ASTN2: variants seen among roughly 807,000 people sequenced by gnomAD.
The protein encoded by ASTN2 is astrotactin 2.
In ASTN2, 54 loss-of-function variants were observed where a neutral mutation model predicts 139.8. The ratio of observed to expected loss-of-function variants is 0.39; its 90% CI spans 0.31 to 0.48. The LOEUF is 0.48. Among genes scored for constraint, ASTN2 ranks in the 20% least tolerant of loss-of-function variants. The pLI is 0.95. For missense variants in ASTN2, 1,565 were observed against 1,725.1 expected (o/e 0.91, Z 1.64); for synonymous variants, 756 against 719.5 (o/e 1.05, Z -0.81).
intron 19 of ASTN2, among the ~76,000 whole-genome samples, chr9:116,498,144 C>G (rs1410075878): frequency 1.3e-5 from 2 of 152,162 alleles, no homozygotes; most frequent in African/African-American, 2.4e-5. Flanking sequence ...TTAAGGCAAG[C>G]CTTCCAAACA....
chr9:117,011,046 A>G (rs920506544), intron 6 of ASTN2, among the ~76,000 whole-genome samples: 30 of 152,130 alleles, frequency 2.0e-4, no homozygotes, highest in African/African-American at 6.3e-4. Context: ...CTGACTGGAA[A>G]CCTGAGTGCA....
intron 19 of ASTN2, among the ~76,000 whole-genome samples, chr9:116,539,556 G>A (rs146215376): frequency 2.6e-5 from 4 of 152,274 alleles, no homozygotes; most frequent in Admixed American, 6.5e-5. Context: ...CAAGAACGAT[G>A]CACAGTAGTC....
rs376527203 is a variant in ASTN2 at position 117,080,798 on chromosome 9, G to T, written c.1276+15246C>A. On this transcript the variant is annotated intron_variant, in intron 5 of 22. Transcript: ENST00000313400. ...TCCACAGACAGAAGCCTAGGAAGGA[G>T]CTTCCTAAGGGCTGGAGTCATGTCT... Among the ~76,000 whole-genome samples, 9 of 152,126 alleles carry T rather than the reference G, an allele frequency of 5.9e-5. No individual in the cohort carries two copies. In the East Asian group the frequency reaches 7.7e-4, roughly 13 times the overall value.
rs556653383 is a variant in ASTN2 at position 116,781,309 on chromosome 9, A to C, written c.2396+24323T>G. On this transcript the variant is annotated intron_variant, in intron 13 of 22. Coordinates refer to ENST00000313400, the MANE Select transcript of ASTN2 (RefSeq NM_001365068.1). ...ACTATGATAACCAAAAAATAAACTA[A>C]ATCAACATTGACAAGGAAAATGTAA... Among the ~76,000 whole-genome samples, 6 of 152,302 alleles carry C rather than the reference A, an allele frequency of 3.9e-5. No individual in the cohort carries two copies. The South Asian group carries it at 1.2e-3, about 32-fold the overall frequency.
In ASTN2 at chr9:116,485,574, T is replaced by C. The variant is rs184948510; in HGVS notation, c.3497+1785A>G. On this transcript the variant is annotated intron_variant, in intron 20 of 22. Coordinates refer to ENST00000313400, the MANE Select transcript of ASTN2 (RefSeq NM_001365068.1). ...CTTAAGAGTGTGTAGAGTTGTGCTCTCAAAGTCAGTCCCCAGTCCCACCAC... is the reference window on the plus strand; with the variant it reads ...CTTAAGAGTGTGTAGAGTTGTGCTCCCAAAGTCAGTCCCCAGTCCCACCAC... Among the ~76,000 whole-genome samples, 29 of 152,310 alleles carry C rather than the reference T, an allele frequency of 1.9e-4. No individual in the cohort carries two copies. In the East Asian group the frequency reaches 5.4e-3, roughly 28 times the overall value.
At chr9:116,716,605 T>G (rs906534688) in intron 16 of ASTN2, among the ~76,000 whole-genome samples, 3 of 152,202 alleles carry the variant, frequency 2.0e-5, no homozygotes, top group African/African-American at 7.2e-5. Flanking sequence ...AAGTAATCAC[T>G]GCATTCTTTT....
intron 16 of ASTN2, among the ~76,000 whole-genome samples, chr9:116,669,824 G>A: frequency 1.1e-5 from 1 of 91,664 alleles, no homozygotes; most frequent in African/African-American, 4.1e-5. Flanking sequence ...TTTTTTTTTT[G>A]AGACAGAGTC....
chr9:117,403,792 C>T (rs971886332), intron 1 of ASTN2, among the ~76,000 whole-genome samples: 3 of 152,138 alleles, frequency 2.0e-5, no homozygotes, highest in Admixed American at 6.5e-5. Flanking sequence ...GACTCAGTCT[C>T]TAAGAGCTCT....
intron 19 of ASTN2, among the ~76,000 whole-genome samples, chr9:116,534,819 G>A (rs1564350521): frequency 6.6e-6 from 1 of 152,196 alleles, no homozygotes; most frequent in African/African-American, 2.4e-5. Context: ...ATGTGGTGCT[G>A]AGAAGAATGT....
chr9:116,631,143 A>G (rs1251837861), intron 17 of ASTN2, among the ~76,000 whole-genome samples: 1 of 152,208 alleles, frequency 6.6e-6, no homozygotes, highest in Non-Finnish European at 1.5e-5. Flanking sequence ...AGAAAACAGT[A>G]TGAGAATTCC....
intron 10 of ASTN2, among the ~76,000 whole-genome samples, chr9:116,863,958 T>C (rs1293448669): frequency 6.6e-6 from 1 of 152,196 alleles, no homozygotes; most frequent in Non-Finnish European, 1.5e-5. Context: ...ATACTCTTTA[T>C]TTTATTAATA....
intron 3 of ASTN2, among the ~76,000 whole-genome samples, chr9:117,183,678 T>C (rs970311255): frequency 3.3e-5 from 5 of 152,202 alleles, no homozygotes; most frequent in African/African-American, 1.2e-4. Flanking sequence ...AAGATATTAG[T>C]TCCATCCCTT....
chr9:117,308,725 G>A (rs1827856655), intron 1 of ASTN2, among the ~76,000 whole-genome samples: 1 of 152,046 alleles, frequency 6.6e-6, no homozygotes, highest in Non-Finnish European at 1.5e-5. Context: ...AGGAGAAAAA[G>A]GAGAGGGAGA....
intron 22 of ASTN2, among the ~76,000 whole-genome samples, chr9:116,434,848 A>G (rs1000478288): frequency 6.6e-6 from 1 of 152,206 alleles, no homozygotes; most frequent in African/African-American, 2.4e-5. Context: ...TCTGGGGGAC[A>G]CTGGCCTGAT....
intron 10 of ASTN2, among the ~76,000 whole-genome samples, chr9:116,912,593 C>G (rs1260623847): frequency 1.3e-5 from 2 of 152,210 alleles, no homozygotes; most frequent in South Asian, 4.1e-4. Flanking sequence ...TTTCTTCCCC[C>G]TGAAGTGTAT....
intron 16 of ASTN2, among the ~76,000 whole-genome samples, chr9:116,716,413 C>T (rs978550098): frequency 6.6e-6 from 1 of 152,104 alleles, no homozygotes; most frequent in Non-Finnish European, 1.5e-5. Context: ...AGAGGGAAGG[C>T]CAAACCATGT....
At chr9:116,442,254 G>A (rs1187927035) in intron 21 of ASTN2, among the ~76,000 whole-genome samples, 199 bp downstream of exon 21, 1 of 152,178 alleles carries the variant, frequency 6.6e-6, no homozygotes, top group East Asian at 1.9e-4. Context: ...GACATTGCTA[G>A]TCAATCTTAA....
At chr9:116,639,664 T>C (rs1857237193) in intron 17 of ASTN2, among the ~76,000 whole-genome samples, 1 of 152,282 alleles carries the variant, frequency 6.6e-6, no homozygotes, top group East Asian at 1.9e-4. Context: ...CACCCTCAGA[T>C]AAATGATGGT....
intron 10 of ASTN2, among the ~76,000 whole-genome samples, chr9:116,884,281 G>A (rs1833530649): frequency 6.6e-6 from 1 of 152,124 alleles, no homozygotes; most frequent in Admixed American, 6.5e-5. Context: ...TCCAAGAGAA[G>A]GGGATTCAAG....
Sources: allele counts gnomAD v4.1 joint callset (sites outside exome capture counted in the v4.1 genomes callset), GRCh38; gene constraint gnomAD v4.1.1; transcripts MANE v1.5; gene names NCBI Gene and HGNC (gene_info 2026-07-23, HGNC 2026-07-21).